Variants in LRTM3 observed in about 807,000 individuals in gnomAD.
LRTM3 encodes the protein leucine-rich repeat transmembrane protein 3.
the LRTM3 span, chr13:102,740,907 C>T: frequency 1.3e-5 from 20 of 1,549,828 alleles, no homozygotes; most frequent in African/African-American, 6.9e-5. Context: ...GGAAAAGCCT[C>T]GTGTGTACTT....
the LRTM3 span, chr13:102,740,049 A>G: frequency 6.5e-7 from 1 of 1,550,310 alleles, no homozygotes; most frequent in African/African-American, 1.4e-5. Flanking sequence ...CTTTCTTGCA[A>G]AATAGGCATG....
chr13:102,731,189 G>C, the LRTM3 span: 1 of 1,551,428 alleles, frequency 6.4e-7, no homozygotes, highest in Non-Finnish European at 8.7e-7. Flanking sequence ...ACTGTCACTT[G>C]AAACATCAAC....
chr13:102,758,220 A>T, the LRTM3 span, among the ~76,000 whole-genome samples: 3 of 152,212 alleles, frequency 2.0e-5, no homozygotes, highest in Non-Finnish European at 4.4e-5. Flanking sequence ...GGATAATTTC[A>T]ATAATATACG....
At chr13:102,739,352 A>C in the LRTM3 span, 1 of 1,549,600 alleles carries the variant, frequency 6.5e-7, no homozygotes, top group Non-Finnish European at 8.7e-7. Flanking sequence ...TGATTCTATT[A>C]CATTACTTAA....
At chr13:102,746,299 CTCTTCCT>C in the LRTM3 span, 1 of 1,551,034 alleles carries the variant, frequency 6.4e-7, no homozygotes, top group Non-Finnish European at 8.7e-7. Context: ...CTTTATGTTC[CTCTTCCT>C]TTCCATCTTG....
chr13:102,740,239 A>G, the LRTM3 span: 21 of 1,549,284 alleles, frequency 1.4e-5, no homozygotes, highest in Non-Finnish European at 1.8e-5. Context: ...AGAGACTTGC[A>G]TATTTTATAG....
chr13:102,745,403 T>C, the LRTM3 span: 31 of 1,550,610 alleles, frequency 2.0e-5, no homozygotes, highest in Non-Finnish European at 2.3e-5. Flanking sequence ...CTTGTTAATG[T>C]CAGGTGTCAT....
At chr13:102,738,514 T>G in the LRTM3 span, 66 of 1,550,908 alleles carry the variant, frequency 4.3e-5, no homozygotes, top group Non-Finnish European at 5.6e-5. Flanking sequence ...CCAACTGAAT[T>G]CCCTGTGAAA....
the LRTM3 span, chr13:102,740,692 T>C: frequency 2.6e-6 from 4 of 1,547,952 alleles, no homozygotes; most frequent in South Asian, 3.6e-5. Context: ...TGAACTGAAA[T>C]AGATCTGTTT....
chr13:102,738,675 C>G, the LRTM3 span: 5 of 1,550,424 alleles, frequency 3.2e-6, no homozygotes, highest in East Asian at 1.2e-4. Flanking sequence ...TCTGATGACT[C>G]TTGGAGATTT....
the LRTM3 span, chr13:102,740,274 G>A: frequency 1.3e-6 from 2 of 1,550,066 alleles, no homozygotes; most frequent in African/African-American, 1.4e-5. Context: ...CCTAAAGGCA[G>A]CATTGAATCT....
At chr13:102,732,501 A>C in the LRTM3 span, 3 of 1,551,052 alleles carry the variant, frequency 1.9e-6, no homozygotes, top group Admixed American at 5.9e-5. Context: ...ACATATGAAT[A>C]AAATGAATCC....
the LRTM3 span, among the ~76,000 whole-genome samples, chr13:102,757,298 A>G: frequency 6.6e-6 from 1 of 152,230 alleles, no homozygotes; most frequent in Non-Finnish European, 1.5e-5. Flanking sequence ...GATTAAATGA[A>G]TAAAGCCCTT....
At chr13:102,731,868 G>A in the LRTM3 span, 2 of 1,549,776 alleles carry the variant, frequency 1.3e-6, no homozygotes, top group East Asian at 4.9e-5. Context: ...CACTCTGTGG[G>A]TGTCAGAATG....
the LRTM3 span, chr13:102,744,595 C>A: frequency 6.4e-7 from 1 of 1,550,564 alleles, no homozygotes. Flanking sequence ...CTATGTGAGA[C>A]AAATTCCAAG....
the LRTM3 span, chr13:102,747,812 G>C: frequency 9.0e-6 from 14 of 1,551,266 alleles, no homozygotes; most frequent in Non-Finnish European, 1.2e-5. Context: ...TGTAGAAAGA[G>C]TTTGTGGTTG....
At chr13:102,737,266 T>G in the LRTM3 span, 1 of 1,551,198 alleles carries the variant, frequency 6.4e-7, no homozygotes, top group African/African-American at 1.4e-5. Flanking sequence ...TTGTATGTGC[T>G]ATTTTCCCTG....
the LRTM3 span, chr13:102,733,009 T>C: frequency 1.9e-6 from 3 of 1,551,460 alleles, no homozygotes; most frequent in Non-Finnish European, 2.6e-6. Context: ...TTCCCCCTTT[T>C]GCAGGGTCAA....
the LRTM3 span, chr13:102,736,168 T>C: frequency 8.1e-5 from 126 of 1,546,394 alleles, no homozygotes; most frequent in Admixed American, 7.8e-4. Flanking sequence ...GAAGCTTTGG[T>C]TGTGAAGGAG....
Sources: gnomAD v4.1 joint callset for allele counts (sites outside exome capture counted in the v4.1 genomes callset) on GRCh38, gnomAD v4.1.1 for gene constraint, MANE v1.5 for transcripts, NCBI Gene and HGNC (gene_info 2026-07-23, HGNC 2026-07-21) for gene names.